Variants in KLHL4 observed in about 807,000 individuals in gnomAD.
The protein encoded by KLHL4 is kelch-like protein 4.
In KLHL4, 17 loss-of-function variants were observed where a neutral mutation model predicts 45.8. The observed-to-expected ratio is 0.37, with a 90% CI of 0.25 to 0.56. The LOEUF (loss-of-function observed/expected upper bound fraction) is 0.56. Ranked by LOEUF, KLHL4 falls within the 20% of genes least tolerant of loss-of-function variation. KLHL4 has a pLI of 0.79. For missense variants in KLHL4, 544 were observed against 544.9 expected (o/e 1.00, Z 0.02); for synonymous variants, 224 against 189.9 (o/e 1.18, Z -1.47).
At position 87,518,738 on chromosome X, in the gene KLHL4, A is replaced by G. The variant is rs771918557; in HGVS notation, c.422+423A>G. ...AATAAAAGCTGTGACTGATCAGCAC[A>G]TCCTTATCTGTTTCCTTAGTACATA... is the stretch of plus-strand genomic sequence containing the variant. On this transcript the variant is annotated intron_variant, in intron 1 of 10. Transcript: ENST00000373119. 4.5e-5 allele frequency among the ~76,000 whole-genome samples: 5 copies of G among 112,101 alleles called. No individual in the cohort carries two copies. The East Asian group carries it at 1.1e-3, about 25-fold the overall frequency.
chrX:87,553,079 G>A (rs1205613213), intron 1 of KLHL4, among the ~76,000 whole-genome samples: 2 of 110,309 alleles, frequency 1.8e-5, no homozygotes, highest in Non-Finnish European at 3.8e-5. Context: ...CTAAATATGT[G>A]CACCTACTGT....
chrX:87,536,907 T>A (rs556542932), intron 1 of KLHL4, among the ~76,000 whole-genome samples: 1 of 111,829 alleles, frequency 8.9e-6, no homozygotes, highest in South Asian at 3.6e-4. Flanking sequence ...ATAGCTTCAT[T>A]GTAACATAAG....
chrX:87,589,709 C>A (rs770148718), intron 1 of KLHL4, among the ~76,000 whole-genome samples: 123 of 110,653 alleles, frequency 1.1e-3, no homozygotes, highest in African/African-American at 3.9e-3. Flanking sequence ...TTAATGAGTA[C>A]AAAAAAATAG....
At chrX:87,643,220 A>C (rs1403993598) in intron 9 of KLHL4, among the ~76,000 whole-genome samples, 1 of 111,790 alleles carries the variant, frequency 8.9e-6, no homozygotes, top group Non-Finnish European at 1.9e-5. Flanking sequence ...CCTCACTAAG[A>C]ATTGCAAGAG....
At chrX:87,593,792 C>A (rs1291524245) in intron 1 of KLHL4, among the ~76,000 whole-genome samples, 4 of 111,491 alleles carry the variant, frequency 3.6e-5, no homozygotes, top group African/African-American at 1.3e-4. Flanking sequence ...GTTCACATTG[C>A]TCCCTGTATC....
intron 9 of KLHL4, among the ~76,000 whole-genome samples, chrX:87,663,641 G>A (rs1924271110): frequency 8.9e-6 from 1 of 112,388 alleles, no homozygotes; most frequent in Admixed American, 9.4e-5. Context: ...ATTAACAATA[G>A]CAATTGTTTT....
chrX:87,649,860 C>A (rs1176478418), intron 9 of KLHL4, among the ~76,000 whole-genome samples: 1 of 111,032 alleles, frequency 9.0e-6, no homozygotes, highest in Non-Finnish European at 1.9e-5. Flanking sequence ...TACTGTGTTC[C>A]ATTGGTCTTT....
intron 1 of KLHL4, among the ~76,000 whole-genome samples, chrX:87,584,382 A>G (rs1921389468): frequency 8.9e-6 from 1 of 112,409 alleles, no homozygotes; most frequent in Non-Finnish European, 1.9e-5. Flanking sequence ...CCAGGGACCA[A>G]TTCTGGGTAA....
At chrX:87,660,432 A>G (rs746116900) in intron 9 of KLHL4, among the ~76,000 whole-genome samples, 22 of 112,493 alleles carry the variant, frequency 2.0e-4, no homozygotes, top group Non-Finnish European at 3.6e-4. Flanking sequence ...ACTAAATCAT[A>G]TATAACATAA....
At chrX:87,537,157 A>G (rs927111085) in intron 1 of KLHL4, among the ~76,000 whole-genome samples, 1 of 111,345 alleles carries the variant, frequency 9.0e-6, no homozygotes, top group Non-Finnish European at 1.9e-5. Context: ...ACAATACTGG[A>G]AAATAATGAA....
At position 87,598,994 on chromosome X, in the gene KLHL4, A is replaced by T. The variant is rs187661344; in HGVS notation, c.423-14883A>T. On this transcript the variant is annotated intron_variant, in intron 1 of 10. Transcript: ENST00000373119. ...TGTGAGATCCAGAAATAATAACCAT[A>T]GGAAAAAAAATTCAAACATATTTAG... 8.5e-3 allele frequency among the ~76,000 whole-genome samples: 939 copies of T among 111,075 alleles called. 2 individuals are homozygous for T. The highest frequency in any genetic ancestry group is 0.014 in the Non-Finnish European group (740 of 52,913).
At chrX:87,628,338 C>CA (rs1381862130) in intron 6 of KLHL4, among the ~76,000 whole-genome samples, 1 of 84,145 alleles carries the variant, frequency 1.2e-5, no homozygotes, top group African/African-American at 3.9e-5. Context: ...CAACAAAACT[C>CA]TTTGGGGTTT....
At chrX:87,543,413 C>CA (rs1298365023) in intron 1 of KLHL4, among the ~76,000 whole-genome samples, 1 of 111,246 alleles carries the variant, frequency 9.0e-6, no homozygotes, top group African/African-American at 3.3e-5. Flanking sequence ...GGGAAGCACT[C>CA]ACAATACCTG....
Position 87,614,157 on chromosome X carries a change from T to C in KLHL4, c.590+113T>C. On this transcript the variant is annotated intron_variant, in intron 2 of 10. Coordinates refer to ENST00000373119, the MANE Select transcript of KLHL4 (RefSeq NM_019117.5). ...TGTAAAAATATTTATTTTCCTATAT[T>C]GAAAAAGTCTTCGCCTATATGATCT... The C allele has an allele frequency of 4.7e-6, 3 of 633,892 alleles. No homozygotes were observed. In the South Asian group the frequency reaches 1.1e-4, roughly 23 times the overall value. 52.2% of individuals were successfully genotyped at this position (633,892 alleles called of 1,213,427 possible). A position where few individuals can be genotyped will look rare whatever the true frequency, so the allele number is the denominator to read the frequency against.
intron 1 of KLHL4, among the ~76,000 whole-genome samples, chrX:87,558,265 C>T (rs1932022012): frequency 9.0e-6 from 1 of 110,994 alleles, no homozygotes; most frequent in Non-Finnish European, 1.9e-5. Context: ...ATCTGTTTAA[C>T]CTCTTTAAGC....
chrX:87,612,707 A>C (rs1288183758), intron 1 of KLHL4, among the ~76,000 whole-genome samples: 3 of 112,111 alleles, frequency 2.7e-5, no homozygotes, highest in African/African-American at 9.7e-5. Context: ...TCTTCACATA[A>C]AATTATCCAG....
intron 1 of KLHL4, among the ~76,000 whole-genome samples, chrX:87,579,347 C>T (rs1921200168): frequency 1.8e-5 from 2 of 110,810 alleles, no homozygotes; most frequent in African/African-American, 6.6e-5. Flanking sequence ...GTGAGAAAGC[C>T]TACAGAAATT....
At chrX:87,536,314 T>C (rs1931426646) in intron 1 of KLHL4, among the ~76,000 whole-genome samples, 1 of 111,192 alleles carries the variant, frequency 9.0e-6, no homozygotes, top group Admixed American at 9.7e-5. Flanking sequence ...AATATAAATA[T>C]GTAAAAATTT....
intron 1 of KLHL4, among the ~76,000 whole-genome samples, chrX:87,536,467 G>A (rs1931429906): frequency 9.0e-6 from 1 of 110,842 alleles, no homozygotes; most frequent in South Asian, 3.8e-4. Flanking sequence ...ACTGTAGTAA[G>A]AGTGTGATTG....
Sources: gnomAD v4.1 joint callset for allele counts (sites outside exome capture counted in the v4.1 genomes callset) on GRCh38, gnomAD v4.1.1 for gene constraint, MANE v1.5 for transcripts, NCBI Gene and HGNC (gene_info 2026-07-23, HGNC 2026-07-21) for gene names.